The following ARHGAP28 variants were observed in gnomAD, a reference collection of about 807,000 sequenced individuals.
ARHGAP28 encodes Rho GTPase activating protein 28.
A neutral mutation model predicts 90.7 loss-of-function variants in ARHGAP28; 56 were observed. The observed-to-expected ratio is 0.62, with a 90% CI of 0.50 to 0.77. The LOEUF (loss-of-function observed/expected upper bound fraction) is 0.77, where lower values mean the gene tolerates loss of function less well. Ranked by LOEUF, ARHGAP28 falls within the 30% of genes least tolerant of loss-of-function variation. ARHGAP28 has a pLI of 0.00. For missense variants in ARHGAP28, 869 were observed against 900.9 expected, an observed-to-expected ratio of 0.96 and a Z score of 0.45; for synonymous variants, 308 against 323.3, an observed-to-expected ratio of 0.95 and a Z score of 0.51.
chr18:6,894,090 A>G (rs1052023995), intron 14 of ARHGAP28, among the ~76,000 whole-genome samples: 2 of 151,952 alleles, frequency 1.3e-5, no homozygotes, highest in African/African-American at 4.8e-5. Context: ...GATGGTCTAG[A>G]TCTCCCGATC....
intron 5 of ARHGAP28, among the ~76,000 whole-genome samples, chr18:6,866,781 A>C (rs1350416046): frequency 6.6e-6 from 1 of 152,248 alleles, no homozygotes; most frequent in African/African-American, 2.4e-5. Flanking sequence ...TAAAACTGTC[A>C]GAGAAAATTA....
chr18:6,765,794 A>G (rs1376541233), intron 1 of ARHGAP28, among the ~76,000 whole-genome samples: 2 of 152,090 alleles, frequency 1.3e-5, no homozygotes, highest in Non-Finnish European at 2.9e-5. Context: ...TGCATCCCAT[A>G]TATATTGGTT....
chr18:6,833,703 C>T (rs191766223), intron 2 of ARHGAP28, among the ~76,000 whole-genome samples: 4 of 152,264 alleles, frequency 2.6e-5, no homozygotes, highest in Admixed American at 1.3e-4. Flanking sequence ...ATGTCCACTT[C>T]AATCACTTAC....
At chr18:6,825,393 T>C (rs1485903140) in intron 2 of ARHGAP28, among the ~76,000 whole-genome samples, 3 of 152,208 alleles carry the variant, frequency 2.0e-5, no homozygotes, top group African/African-American at 7.2e-5. Context: ...AGCAGTATAA[T>C]TGTGAAGAAG....
chr18:6,896,099 C>T (rs1021946158), intron 15 of ARHGAP28, among the ~76,000 whole-genome samples: 29 of 152,170 alleles, frequency 1.9e-4, no homozygotes, highest in Admixed American at 5.2e-4. Flanking sequence ...TTGGAGAAGC[C>T]ATATTTTCTA....
intron 3 of ARHGAP28, among the ~76,000 whole-genome samples, chr18:6,837,889 A>C (rs1290899715): frequency 6.6e-6 from 1 of 152,200 alleles, no homozygotes; most frequent in African/African-American, 2.4e-5. Context: ...GCATTAATTA[A>C]GTGGGCAAGA....
rs140840697 is a variant in ARHGAP28 at position 6,881,218 on chromosome 18, ACT to A, written c.1291-916_1291-915del. On this transcript the variant is annotated intron_variant, in intron 10 of 17. Transcript: ENST00000383472. ...AGGAAAAGGTCAGATGTGCACACTGACTCTGGCTGTGCGTGCTCAAGGCCAGA... is the reference window on the plus strand; with the variant it reads ...AGGAAAAGGTCAGATGTGCACACTGACTGGCTGTGCGTGCTCAAGGCCAGA... 8.3e-3 allele frequency among the ~76,000 whole-genome samples: 1,260 copies of A among 152,252 alleles called. 15 individuals carry two copies. Among genetic ancestry groups the A allele is most frequent in the African/African-American group, 0.029 (1,211 of 41,556 alleles).
chr18:6,847,411 T>A (rs947593509), intron 3 of ARHGAP28, among the ~76,000 whole-genome samples: 1 of 152,180 alleles, frequency 6.6e-6, no homozygotes, highest in African/African-American at 2.4e-5. Flanking sequence ...TCACAGAACT[T>A]CTTCTCTCTC....
intron 4 of ARHGAP28, among the ~76,000 whole-genome samples, chr18:6,857,496 A>G (rs2056962849): frequency 6.6e-6 from 1 of 152,250 alleles, no homozygotes; most frequent in Non-Finnish European, 1.5e-5. Flanking sequence ...AGTGAGTACC[A>G]TGTGGTCAGG....
At chr18:6,778,786 ACTGT>A (rs2056303659) in intron 1 of ARHGAP28, among the ~76,000 whole-genome samples, 1 of 152,144 alleles carries the variant, frequency 6.6e-6, no homozygotes, top group African/African-American at 2.4e-5. Context: ...TTTTTGAGTG[ACTGT>A]CTGGAAATGT....
At chr18:6,907,724 GT>G (rs1026092750) in intron 16 of ARHGAP28, among the ~76,000 whole-genome samples, 1 of 152,154 alleles carries the variant, frequency 6.6e-6, no homozygotes, top group Non-Finnish European at 1.5e-5. Context: ...GGCTGGAAAT[GT>G]TCTGCATCTT....
At chr18:6,905,396 AGAG>A (rs1240180414) in intron 16 of ARHGAP28, among the ~76,000 whole-genome samples, 2 of 152,188 alleles carry the variant, frequency 1.3e-5, no homozygotes, top group South Asian at 2.1e-4. Context: ...AACTAGGAAA[AGAG>A]GAGAACTTAA....
intron 1 of ARHGAP28, among the ~76,000 whole-genome samples, chr18:6,800,041 A>G (rs914094095): frequency 2.0e-5 from 3 of 152,192 alleles, no homozygotes; most frequent in South Asian, 2.1e-4. Context: ...CCATCAAAAA[A>G]TGGCTGAAGG....
intron 1 of ARHGAP28, among the ~76,000 whole-genome samples, chr18:6,753,790 T>C (rs116022070): frequency 6.6e-6 from 1 of 152,304 alleles, no homozygotes; most frequent in South Asian, 2.1e-4. Flanking sequence ...TCAAACACTT[T>C]ACCCCTCGCA....
rs2143906891 is a variant in ARHGAP28 at position 6,914,667 on chromosome 18, C to A, written c.*2513C>A. Reference sequence around the variant, plus strand: ...TTTGCAAACAAAAGAAGGGCAGATACTGGGCTTCTACATGCTATCCTTAAG... The same window carrying A: ...TTTGCAAACAAAAGAAGGGCAGATAATGGGCTTCTACATGCTATCCTTAAG... On this transcript the variant is annotated 3_prime_UTR_variant, in exon 18 of 18. Coordinates refer to ENST00000383472, the MANE Select transcript of ARHGAP28 (RefSeq NM_001366230.1). 6.6e-6 allele frequency: 1 copy of A among 152,292 alleles called. No homozygotes were observed. Among genetic ancestry groups the A allele is most frequent in the Non-Finnish European group, 1.5e-5 (1 of 68,022 alleles). The allele number at this position is 152,292 out of a possible 1,614,324, so 9.4% of individuals were successfully genotyped here. A position where few individuals can be genotyped will look rare whatever the true frequency, so the allele number is the denominator to read the frequency against.
intron 1 of ARHGAP28, among the ~76,000 whole-genome samples, chr18:6,811,647 C>T (rs1242725848): frequency 2.6e-5 from 4 of 152,100 alleles, no homozygotes; most frequent in Non-Finnish European, 5.9e-5. Context: ...GAGTTTTTAA[C>T]ATTACACGTC....
Position 6,873,592 on chromosome 18 carries a change from T to C in ARHGAP28, c.1120+18T>C, listed in dbSNP as rs1239185963. The C allele has an allele frequency of 6.2e-7, 1 of 1,611,952 alleles. No individual in the cohort carries two copies. Among genetic ancestry groups the C allele is most frequent in the Admixed American group, 1.7e-5 (1 of 59,696 alleles). On this transcript the variant is annotated intron_variant, in intron 8 of 17. Transcript: ENST00000383472. ...AGGACGAGGTAACTAAGAAGACTGA[T>C]TGCTTCTGGCTTTAACACTTTGACA...
Position 6,854,918 on chromosome 18 carries a change from G to A in ARHGAP28, c.636+3792G>A, listed in dbSNP as rs192891983. On this transcript the variant is annotated intron_variant, in intron 4 of 17. Coordinates refer to ENST00000383472, the MANE Select transcript of ARHGAP28 (RefSeq NM_001366230.1). ...GTGGAGCAAAGTTGTGGCCCAGCCC[G>A]GGCGCTGTTGCAACCCCCCACGGTG... is the stretch of plus-strand genomic sequence containing the variant. Among the ~76,000 whole-genome samples, 143 of 152,308 alleles carry A rather than the reference G, an allele frequency of 9.4e-4. 2 individuals are homozygous for A. Among genetic ancestry groups the A allele is most frequent in the African/African-American group, 3.2e-3 (133 of 41,570 alleles).
intron 1 of ARHGAP28, among the ~76,000 whole-genome samples, chr18:6,777,261 G>A (rs1266091972): frequency 6.6e-6 from 1 of 152,104 alleles, no homozygotes; most frequent in African/African-American, 2.4e-5. Flanking sequence ...TAATATAGAG[G>A]GAGTAGTAAA....
Sources: allele counts gnomAD v4.1 joint callset (sites outside exome capture counted in the v4.1 genomes callset), GRCh38; gene constraint gnomAD v4.1.1; transcripts MANE v1.5; gene names NCBI Gene and HGNC (gene_info 2026-07-23, HGNC 2026-07-21).